SCLT1: variants seen among roughly 807,000 people sequenced by gnomAD.
SCLT1 encodes sodium channel-associated protein 1.
SCLT1 carries 78 observed loss-of-function variants against 112.8 expected under a neutral mutation model. That is an observed-to-expected ratio of 0.69 (90% CI 0.58 to 0.83). The LOEUF (loss-of-function observed/expected upper bound fraction) is 0.83. Among genes scored for constraint, SCLT1 ranks in the 40% least tolerant of loss-of-function variants. The pLI, the probability that SCLT1 is intolerant of heterozygous loss-of-function variation, is 0.00. For missense variants in SCLT1, 747 were observed against 770.4 expected (o/e 0.97, Z 0.36); for synonymous variants, 257 against 254.7 (o/e 1.01, Z -0.09).
intron 16 of SCLT1, chr4:128,944,509 C>T (rs1488033575): frequency 2.0e-5 from 3 of 152,060 alleles, no homozygotes; most frequent in Admixed American, 6.5e-5. Context: ...GGAAACTCTA[C>T]ATTACTAAGA....
chr4:128,980,544 T>C (rs1741556138), intron 9 of SCLT1, among the ~76,000 whole-genome samples: 1 of 152,148 alleles, frequency 6.6e-6, no homozygotes, highest in Non-Finnish European at 1.5e-5. Context: ...ACCACTTATA[T>C]ATAAGTAATT....
At chr4:128,916,776 T>C (rs1218639554) in intron 18 of SCLT1, among the ~76,000 whole-genome samples, 1 of 152,200 alleles carries the variant, frequency 6.6e-6, no homozygotes, top group African/African-American at 2.4e-5. Context: ...CTTAGGTTCC[T>C]ATACTATAAG....
chr4:128,892,316 T>G (rs1437560712), intron 18 of SCLT1, among the ~76,000 whole-genome samples: 1 of 152,238 alleles, frequency 6.6e-6, no homozygotes, highest in Non-Finnish European at 1.5e-5. Context: ...ATTCAAAGCT[T>G]TTCTTCACAT....
intron 18 of SCLT1, among the ~76,000 whole-genome samples, chr4:128,895,999 C>A (rs1375084111): frequency 1.3e-5 from 2 of 152,232 alleles, no homozygotes; most frequent in Admixed American, 6.5e-5. Context: ...GAGGGGCACC[C>A]GCCATTGCCA....
chr4:128,965,078 T>C (rs1217405134), intron 11 of SCLT1, 149 bp downstream of exon 11: 2 of 538,200 alleles, frequency 3.7e-6, no homozygotes, highest in Non-Finnish European at 6.6e-6. Flanking sequence ...TAATAAACAA[T>C]GTCGATTAAA....
At chr4:128,884,639 G>T in intron 20 of SCLT1, 100 bp from the exon 21 acceptor site, 1 of 732,324 alleles carries the variant, frequency 1.4e-6, no homozygotes, top group Non-Finnish European at 2.3e-6. Context: ...GTACTGAAAT[G>T]GTCTTATTGG....
chr4:129,079,063 C>A (rs543312406), intron 2 of SCLT1, among the ~76,000 whole-genome samples: 4 of 152,098 alleles, frequency 2.6e-5, no homozygotes, highest in African/African-American at 9.7e-5. Flanking sequence ...AGAAAATTCA[C>A]CCCCATGATA....
chr4:129,059,500 G>A (rs1252653405), intron 2 of SCLT1, among the ~76,000 whole-genome samples: 2 of 152,068 alleles, frequency 1.3e-5, no homozygotes, highest in Non-Finnish European at 2.9e-5. Flanking sequence ...ATTGTATTTT[G>A]CTTTCAAATA....
rs749094740 is a variant in SCLT1 at position 129,044,030 on chromosome 4, C to T, written c.124G>A (p.Gly42Arg). The T allele has an allele frequency of 2.5e-6, 4 of 1,570,536 alleles. No homozygotes were observed. The highest frequency in any genetic ancestry group is 3.5e-6 in the Non-Finnish European group (4 of 1,145,800). ...ACTAGGTTTTCAAATGTGTCGTCTCCTTCTCCTTGGCAGACAGCTTTCTAT... is the reference window on the plus strand; with the variant it reads ...ACTAGGTTTTCAAATGTGTCGTCTCTTTCTCCTTGGCAGACAGCTTTCTAT... Reference protein sequence around the residue: ...SVQKAVCQGEGDDTFENLVFD... With the variant: ...SVQKAVCQGERDDTFENLVFD... Residue 42 changes from glycine to arginine, a missense_variant, in exon 3 of 21, where the codon GGA (glycine) becomes AGA (arginine). Physicochemically the swap from Gly to Arg is moderately radical, Grantham distance 125. This residue lies in a region of SCLT1 where 723 missense variants were observed against 721.3 expected (regional missense o/e 1.00). Coordinates refer to ENST00000281142, the MANE Select transcript of SCLT1 (RefSeq NM_144643.4).
intron 18 of SCLT1, among the ~76,000 whole-genome samples, chr4:128,900,357 C>A (rs536287249): frequency 6.6e-6 from 1 of 152,246 alleles, no homozygotes; most frequent in Non-Finnish European, 1.5e-5. Context: ...GAACACAGCC[C>A]TCAGAAATAA....
intron 13 of SCLT1, 126 bp from the exon 14 acceptor site, chr4:128,952,966 T>C: frequency 3.2e-6 from 2 of 624,956 alleles, no homozygotes; most frequent in South Asian, 3.9e-5. Context: ...AAAAGACAAA[T>C]AAGCACATAA....
intron 2 of SCLT1, among the ~76,000 whole-genome samples, chr4:129,046,163 A>G (rs747143986): frequency 6.6e-6 from 1 of 152,160 alleles, no homozygotes; most frequent in Non-Finnish European, 1.5e-5. Context: ...GCAACAGAAT[A>G]CAAGTACTCT....
At chr4:129,026,878 G>A (rs1386832732) in intron 5 of SCLT1, among the ~76,000 whole-genome samples, 1 of 152,168 alleles carries the variant, frequency 6.6e-6, no homozygotes, top group Non-Finnish European at 1.5e-5. Flanking sequence ...TATCACCACT[G>A]ATCTCACAGA....
intron 1 of SCLT1, among the ~76,000 whole-genome samples, chr4:129,088,782 G>C (rs1752603799): frequency 6.6e-6 from 1 of 152,110 alleles, no homozygotes; most frequent in African/African-American, 2.4e-5. Flanking sequence ...AATGGTGCTG[G>C]GAAAACTGGC....
chr4:129,006,469 C>G (rs555812080), intron 5 of SCLT1, among the ~76,000 whole-genome samples: 2 of 147,490 alleles, frequency 1.4e-5, no homozygotes, highest in African/African-American at 5.1e-5. Flanking sequence ...ACCCAGGAGG[C>G]GGAGGTTGCA....
chr4:128,964,919 T>G (rs1740045112), intron 11 of SCLT1, among the ~76,000 whole-genome samples: 1 of 152,326 alleles, frequency 6.6e-6, no homozygotes, highest in Non-Finnish European at 1.5e-5. Context: ...AGGGTTTTAT[T>G]TGTTTCCTAA....
At chr4:129,050,631 A>G (rs1748691732) in intron 2 of SCLT1, among the ~76,000 whole-genome samples, 1 of 151,788 alleles carries the variant, frequency 6.6e-6, no homozygotes, top group Non-Finnish European at 1.5e-5. Context: ...TGGATATTAG[A>G]CCTCTGTCAG....
intron 5 of SCLT1, among the ~76,000 whole-genome samples, chr4:129,025,927 C>A (rs1480994707): frequency 1.6e-4 from 24 of 151,932 alleles, no homozygotes; most frequent in East Asian, 5.8e-4. Flanking sequence ...AGACTTTAAA[C>A]CAACAAAGAT....
chr4:129,063,391 CTA>C (rs1368356598), intron 2 of SCLT1, among the ~76,000 whole-genome samples: 1 of 152,238 alleles, frequency 6.6e-6, no homozygotes, highest in African/African-American at 2.4e-5. Flanking sequence ...ATTCCTAAGA[CTA>C]TATGCTTTCT....
Sources: allele counts gnomAD v4.1 joint callset (sites outside exome capture counted in the v4.1 genomes callset), GRCh38; gene constraint gnomAD v4.1.1; regional missense constraint gnomAD v4.1.1; transcripts MANE v1.5; gene names NCBI Gene and HGNC (gene_info 2026-07-23, HGNC 2026-07-21).